Variants in STXBP5L observed in about 807,000 individuals in gnomAD.
STXBP5L encodes the protein syntaxin binding protein 5L.
A neutral mutation model predicts 144.5 loss-of-function variants in STXBP5L; 65 were observed. The ratio of observed to expected loss-of-function variants is 0.45; its 90% confidence interval spans 0.37 to 0.55. The LOEUF is 0.55. Ranked by LOEUF, STXBP5L falls within the 20% of genes least tolerant of loss-of-function variation. The probability of loss-of-function intolerance (pLI) is 0.00; values close to 1 mark genes in which losing one functional copy is unlikely to be tolerated. For missense variants in STXBP5L, 1,298 were observed against 1,405.5 expected, an observed-to-expected ratio of 0.92 and a Z score of 1.22; for synonymous variants, 505 against 469.6, an observed-to-expected ratio of 1.08 and a Z score of -0.97.
Position 121,284,085 on chromosome 3 carries a change from C to T in STXBP5L, c.2110+4129C>T, listed in dbSNP as rs186593894. On this transcript the variant is annotated intron_variant, in intron 19 of 26. Transcript: ENST00000471454. The stretch of plus-strand genomic sequence containing the variant: ...CAGGAGCAGAAGCGGGCTCTTAGTT[C>T]ATCAGGATCCTATAATATCAGCCAT... 4.0e-3 allele frequency among the ~76,000 whole-genome samples: 606 copies of T among 152,070 alleles called. 1 individual carries two copies. Among genetic ancestry groups the T allele is most frequent in the African/African-American group, 0.013 (558 of 41,514 alleles).
intron 24 of STXBP5L, among the ~76,000 whole-genome samples, chr3:121,414,247 G>C (rs1442524692): frequency 1.3e-5 from 2 of 152,110 alleles, no homozygotes; most frequent in African/African-American, 2.4e-5. Context: ...TGGAGAGACA[G>C]AAGTAAACAC....
At chr3:121,330,816 C>T (rs928214336) in intron 20 of STXBP5L, among the ~76,000 whole-genome samples, 1 of 152,206 alleles carries the variant, frequency 6.6e-6, no homozygotes, top group Non-Finnish European at 1.5e-5. Flanking sequence ...TGAGTCTGTT[C>T]ACATGACCCG....
intron 3 of STXBP5L, among the ~76,000 whole-genome samples, chr3:121,035,961 G>A (rs1054231798): frequency 4.6e-5 from 7 of 152,106 alleles, no homozygotes; most frequent in Admixed American, 1.3e-4. Flanking sequence ...TTATTCCAAA[G>A]TATTTCTTGG....
intron 5 of STXBP5L, among the ~76,000 whole-genome samples, chr3:121,085,325 T>C (rs1291788791): frequency 6.6e-6 from 1 of 152,160 alleles, no homozygotes; most frequent in Admixed American, 6.6e-5. Flanking sequence ...GCCTGGATTT[T>C]CTCTAGGATT....
At chr3:120,969,469 A>G (rs1236997524) in intron 3 of STXBP5L, among the ~76,000 whole-genome samples, 7 of 143,846 alleles carry the variant, frequency 4.9e-5, no homozygotes, top group African/African-American at 7.8e-5. Context: ...TGTTGGCTGG[A>G]TAGTTTGTGA....
chr3:121,183,404 A>T (rs2108117140), intron 9 of STXBP5L, among the ~76,000 whole-genome samples: 1 of 152,304 alleles, frequency 6.6e-6, no homozygotes, highest in East Asian at 1.9e-4. Context: ...GTAAAGACTA[A>T]TCCAGAAAGT....
chr3:121,104,748 A>C (rs912260971), intron 5 of STXBP5L, among the ~76,000 whole-genome samples: 17 of 152,226 alleles, frequency 1.1e-4, no homozygotes, highest in Non-Finnish European at 1.9e-4. Context: ...AATCAACTCA[A>C]GATGGATCAA....
chr3:121,011,381 C>G (rs553655340), intron 3 of STXBP5L, among the ~76,000 whole-genome samples: 1 of 151,526 alleles, frequency 6.6e-6, no homozygotes, highest in African/African-American at 2.4e-5. Flanking sequence ...TCCTGCAACC[C>G]TTTATTTTTA....
At chr3:121,190,940 CG>C (rs943738538) in intron 9 of STXBP5L, among the ~76,000 whole-genome samples, 4 of 149,932 alleles carry the variant, frequency 2.7e-5, no homozygotes, top group Admixed American at 6.6e-5. Context: ...ATATCTCAGA[CG>C]GGGCGGCGGG....
intron 19 of STXBP5L, among the ~76,000 whole-genome samples, chr3:121,311,958 G>A (rs148957973): frequency 0.013 from 2,046 of 152,288 alleles, 27 homozygotes; most frequent in Non-Finnish European, 0.018. Context: ...CAAGGCTAGA[G>A]TAACCAAAAC....
At chr3:121,003,781 T>C (rs538732451) in intron 3 of STXBP5L, among the ~76,000 whole-genome samples, 1 of 152,268 alleles carries the variant, frequency 6.6e-6, no homozygotes, top group Non-Finnish European at 1.5e-5. Context: ...GGCTAGGCAG[T>C]TTTCCCAGCA....
At chr3:120,912,895 T>C (rs1483887488) in intron 2 of STXBP5L, among the ~76,000 whole-genome samples, 1 of 152,002 alleles carries the variant, frequency 6.6e-6, no homozygotes, top group Non-Finnish European at 1.5e-5. Flanking sequence ...CCCTAAAAGA[T>C]ACCATATTTT....
intron 19 of STXBP5L, among the ~76,000 whole-genome samples, chr3:121,289,990 C>T (rs551247311): frequency 4.6e-5 from 7 of 151,858 alleles, no homozygotes; most frequent in Non-Finnish European, 1.0e-4. Flanking sequence ...TAAGGTCACA[C>T]CTCAAGGAAC....
At chr3:121,140,355 A>T (rs899519166) in intron 7 of STXBP5L, among the ~76,000 whole-genome samples, 1 of 152,098 alleles carries the variant, frequency 6.6e-6, no homozygotes, top group African/African-American at 2.4e-5. Flanking sequence ...AAATAGAAAT[A>T]CCATATGTGA....
rs556119871 is a variant in STXBP5L at position 121,151,909 on chromosome 3, T to G, written c.670-568T>G. On this transcript the variant is annotated intron_variant, in intron 7 of 26. Transcript: ENST00000471454. Reference sequence around the variant, plus strand: ...ATGATATGTTCTAAAATTCTTCTATTTTAAAGAAATATTTTATTAATCATC... The same window carrying G: ...ATGATATGTTCTAAAATTCTTCTATGTTAAAGAAATATTTTATTAATCATC... Among the ~76,000 whole-genome samples the G allele has an allele frequency of 3.6e-4, 54 of 152,004 alleles. 2 individuals carry two copies. The South Asian group carries it at 0.011, about 31-fold the overall frequency.
In STXBP5L at chr3:121,342,521, C is replaced by T. The variant is rs1307243827; in HGVS notation, c.2176+23981C>T. Among the ~76,000 whole-genome samples the T allele has an allele frequency of 3.5e-5, 5 of 143,900 alleles. No homozygotes were observed. In the South Asian group the frequency reaches 6.9e-4, roughly 20 times the overall value. The allele number at this position is 143,900 out of a possible 152,430, so 94.4% of individuals were successfully genotyped here. A position where few individuals can be genotyped will look rare whatever the true frequency, so the allele number is the denominator to read the frequency against. On this transcript the variant is annotated intron_variant, in intron 20 of 26. Coordinates refer to ENST00000471454, the MANE Select transcript of STXBP5L (RefSeq NM_001308330.2). The stretch of plus-strand genomic sequence containing the variant: ...CCTCCCCCCACCCCACAACGGTCCC[C>T]AGAGTGTGATGTTCCCCTTCCTGTG...
At chr3:121,019,887 A>T (rs1376949235) in intron 3 of STXBP5L, among the ~76,000 whole-genome samples, 1 of 152,196 alleles carries the variant, frequency 6.6e-6, no homozygotes. Context: ...CCAAAAGATC[A>T]CACTAGCTCA....
At chr3:121,122,938 T>G (rs991213540) in intron 7 of STXBP5L, among the ~76,000 whole-genome samples, 1 of 151,524 alleles carries the variant, frequency 6.6e-6, no homozygotes, top group Non-Finnish European at 1.5e-5. Flanking sequence ...TTGTACTAAA[T>G]CCTCATCTTG....
intron 19 of STXBP5L, among the ~76,000 whole-genome samples, chr3:121,313,243 G>C (rs1256051826): frequency 5.9e-5 from 8 of 136,086 alleles, no homozygotes; most frequent in African/African-American, 8.4e-5. Context: ...CCTCCCGGAC[G>C]GGGCGGCTGG....
Sources: gnomAD v4.1 joint callset for allele counts (sites outside exome capture counted in the v4.1 genomes callset) on GRCh38, gnomAD v4.1.1 for gene constraint, MANE v1.5 for transcripts, NCBI Gene and HGNC (gene_info 2026-07-23, HGNC 2026-07-21) for gene names.